The following ESYT3 variants were observed in gnomAD, a reference collection of about 807,000 sequenced individuals.
ESYT3 encodes the protein extended synaptotagmin 3.
ESYT3 carries 101 observed loss-of-function variants against 111.5 expected under a neutral mutation model. The ratio of observed to expected loss-of-function variants is 0.91; its 90% CI spans 0.77 to 1.07. The LOEUF (loss-of-function observed/expected upper bound fraction) is 1.07. Ranked by LOEUF, ESYT3 falls within the 50% of genes least tolerant of loss-of-function variation. The pLI is 0.00. For missense variants in ESYT3, 1,097 were observed against 1,109.4 expected (o/e 0.99, Z 0.16); for synonymous variants, 416 against 446.8 (o/e 0.93, Z 0.87).
Position 138,461,931 on chromosome 3 carries a change from C to T in ESYT3, c.795-155C>T, listed in dbSNP as rs148477299. ...CAGGGGCTGTCACGATGTATAGGCACACCCACCCCTACCCAGGCAAGTGGG... is the reference window on the plus strand; with the variant it reads ...CAGGGGCTGTCACGATGTATAGGCATACCCACCCCTACCCAGGCAAGTGGG... On this transcript the variant is annotated intron_variant, in intron 7 of 22. Coordinates refer to ENST00000389567, the MANE Select transcript of ESYT3 (RefSeq NM_031913.5). Among the ~76,000 whole-genome samples, 11 of 152,218 alleles carry T rather than the reference C, an allele frequency of 7.2e-5. No homozygotes were observed. The East Asian group carries it at 2.1e-3, about 29-fold the overall frequency.
chr3:138,442,475 G>C (rs183262093), intron 1 of ESYT3, among the ~76,000 whole-genome samples: 2 of 152,168 alleles, frequency 1.3e-5, no homozygotes, highest in African/African-American at 4.8e-5. Flanking sequence ...GTGGGTGGTG[G>C]TTCCTCTGTC....
intron 2 of ESYT3, among the ~76,000 whole-genome samples, chr3:138,452,315 A>G (rs2108605179): frequency 6.6e-6 from 1 of 152,328 alleles, no homozygotes. Flanking sequence ...AATACAGAGA[A>G]GTATAGAGAA....
chr3:138,451,575 T>C (rs1232398249), intron 1 of ESYT3, among the ~76,000 whole-genome samples: 1 of 152,206 alleles, frequency 6.6e-6, no homozygotes, highest in Non-Finnish European at 1.5e-5. Context: ...GGGGGTCCTG[T>C]GCTTCCCCAG....
chr3:138,465,462 C>T, intron 10 of ESYT3, 41 bp downstream of exon 10: 2 of 1,512,904 alleles, frequency 1.3e-6, no homozygotes, highest in Non-Finnish European at 1.8e-6. Context: ...AGGCAGCCTT[C>T]CCTCCCTGCG....
At chr3:138,463,402 G>A (rs1258895059) in intron 8 of ESYT3, among the ~76,000 whole-genome samples, 2 of 152,172 alleles carry the variant, frequency 1.3e-5, no homozygotes, top group Non-Finnish European at 2.9e-5. Flanking sequence ...CCCCCAGTGT[G>A]CTTTTAACAC....
In ESYT3 at chr3:138,469,431, C is replaced by T. The variant is rs760695149; in HGVS notation, c.1435-5C>T. On this transcript the variant is annotated splice_polypyrimidine_tract_variant and splice_region_variant and intron_variant, in intron 14 of 22. Coordinates refer to ENST00000389567, the MANE Select transcript of ESYT3 (RefSeq NM_031913.5). Reference sequence around the variant, plus strand: ...CTTCACTGTTATGGATTTGATTCCTCACAGAACAAGGTCAGCAAAGACCCT... The same window carrying T: ...CTTCACTGTTATGGATTTGATTCCTTACAGAACAAGGTCAGCAAAGACCCT... 6.2e-7 allele frequency: 1 copy of T among 1,612,964 alleles called. No homozygotes were observed. Among genetic ancestry groups the T allele is most frequent in the Non-Finnish European group, 8.5e-7 (1 of 1,179,034 alleles).
chr3:138,473,369 A>G, intron 18 of ESYT3, 167 bp from the exon 19 acceptor site: 1 of 668,918 alleles, frequency 1.5e-6, no homozygotes, highest in Non-Finnish European at 2.4e-6. Flanking sequence ...ATAATTATAC[A>G]TGAATGCTGG....
intron 4 of ESYT3, among the ~76,000 whole-genome samples, chr3:138,457,892 G>A (rs1246199096): frequency 6.6e-6 from 1 of 152,154 alleles, no homozygotes; most frequent in Non-Finnish European, 1.5e-5. Flanking sequence ...CAGAGAGGAT[G>A]TGTCTAGTGG....
Position 138,477,953 on chromosome 3 carries a change from GTTTCC to G in ESYT3, c.*1101_*1105del, listed in dbSNP as rs2033562812. 1 of 152,260 alleles carries G rather than the reference GTTTCC, an allele frequency of 6.6e-6. No individual in the cohort carries two copies. The highest frequency in any genetic ancestry group is 6.5e-5 in the Admixed American group (1 of 15,296). 9.4% of individuals were successfully genotyped at this position (152,260 alleles called of 1,614,324 possible). A position where few individuals can be genotyped will look rare whatever the true frequency, so the allele number is the denominator to read the frequency against. On this transcript the variant is annotated 3_prime_UTR_variant, in exon 23 of 23. Coordinates refer to ENST00000389567, the MANE Select transcript of ESYT3 (RefSeq NM_031913.5). ...GTTTTGTCATGTTACTCTTATTCCA[GTTTCC>G]TGCCATCTGATTCACATGCAGATGT...
chr3:138,464,000 C>CT (rs1237142683), intron 8 of ESYT3, among the ~76,000 whole-genome samples: 1 of 152,184 alleles, frequency 6.6e-6, no homozygotes, highest in African/African-American at 2.4e-5. Context: ...GGACACACAA[C>CT]AGAGGGGTCT....
rs753018261 is a variant in ESYT3 at position 138,476,768 on chromosome 3, A to G, written c.2625-50A>G. ...GGACTAGGCAGTTTGTCCTGTTACC[A>G]CAACACACTGTCATTACTAACGTTA... On this transcript the variant is annotated intron_variant, in intron 22 of 22. Coordinates refer to ENST00000389567, the MANE Select transcript of ESYT3 (RefSeq NM_031913.5). The G allele has an allele frequency of 1.9e-5, 31 of 1,590,160 alleles. No homozygotes were observed. In the Admixed American group the frequency reaches 4.5e-4, roughly 23 times the overall value.
rs139403723 is a variant in ESYT3, at chr3:138,472,893, C to G, written c.2237+34C>G. The G allele has an allele frequency of 2.9e-5, 45 of 1,576,694 alleles. No homozygotes were observed. The East Asian group carries it at 9.4e-4, about 33-fold the overall frequency. On this transcript the variant is annotated intron_variant, in intron 18 of 22. Coordinates refer to ENST00000389567, the MANE Select transcript of ESYT3 (RefSeq NM_031913.5). Reference sequence around the variant, plus strand: ...CTCTCTGCTTAATCTTTTCTAAAATCGCCTGTATGAAAAATACCTCGCTGG... The same window carrying G: ...CTCTCTGCTTAATCTTTTCTAAAATGGCCTGTATGAAAAATACCTCGCTGG...
Position 138,468,857 on chromosome 3 carries a change from C to CA in ESYT3, c.1416dup (p.Leu473ThrfsTer29), listed in dbSNP as rs746297206. 1 of 1,614,106 alleles carries CA rather than the reference C, an allele frequency of 6.2e-7. No homozygotes were observed. The highest frequency in any genetic ancestry group is 1.1e-5 in the South Asian group (1 of 91,076). ...ACTACCTGAATGGTGAATATCGAGC[C>CA]AAAAAACTCTCCAGGTTTGCCAGAG... On this transcript the variant is annotated frameshift_variant, in exon 14 of 23. Coordinates refer to ENST00000389567, the MANE Select transcript of ESYT3 (RefSeq NM_031913.5). LOFTEE classifies it high-confidence loss of function.
At position 138,465,361 on chromosome 3, in the gene ESYT3, G is replaced by A; in HGVS notation, c.1109G>A (p.Gly370Glu). The A allele has an allele frequency of 6.3e-7, 1 of 1,596,152 alleles. No homozygotes were observed. The highest frequency in any genetic ancestry group is 2.2e-5 in the East Asian group (1 of 44,502). Reference protein sequence around the residue: ...VFEFMVYEVPGQDLEVDLYDE... With the variant: ...VFEFMVYEVPEQDLEVDLYDE... Reference sequence around the variant, plus strand: ...CAGTTCATGGTGTACGAAGTCCCTGGACAGGACCTGGAGGTAGACCTGTAT... The same window carrying A: ...CAGTTCATGGTGTACGAAGTCCCTGAACAGGACCTGGAGGTAGACCTGTAT... The change falls in exon 10 of 23, where the codon GGA becomes GAA. Residue 370 changes from glycine (G) to glutamate (E), a missense_variant. Physicochemically the swap from Gly to Glu is moderately conservative, Grantham distance 98 (BLOSUM62 -2). Transcript: ENST00000389567.
chr3:138,456,247 C>T (rs951442179), intron 3 of ESYT3, among the ~76,000 whole-genome samples: 5 of 152,214 alleles, frequency 3.3e-5, no homozygotes, highest in African/African-American at 1.2e-4. Context: ...GTGTGCTGGG[C>T]ATCATAGAGT....
At chr3:138,457,528 C>T in intron 3 of ESYT3, 40 bp from the exon 4 acceptor site, 2 of 1,600,904 alleles carry the variant, frequency 1.2e-6, no homozygotes, top group South Asian at 1.1e-5. Flanking sequence ...TCCCCTGCTA[C>T]AAGAAGCCTC....
chr3:138,476,494 T>C lies in ESYT3; in HGVS notation c.2624+2T>C. 1 of 1,613,172 alleles carries C rather than the reference T, an allele frequency of 6.2e-7. No individual in the cohort carries two copies. Among genetic ancestry groups the C allele is most frequent in the Non-Finnish European group, 8.5e-7 (1 of 1,179,798 alleles). The stretch of plus-strand genomic sequence containing the variant: ...TCTGATTAAGGGCTTTTCACAATGG[T>C]AAGTGTGCCCTTTCATTTTATCACT... On this transcript the variant is annotated splice_donor_variant, in intron 22 of 22. Coordinates refer to ENST00000389567, the MANE Select transcript of ESYT3 (RefSeq NM_031913.5). LOFTEE classifies it high-confidence loss of function.
intron 2 of ESYT3, 140 bp from the exon 3 acceptor site, chr3:138,455,054 G>C: frequency 1.1e-6 from 1 of 886,722 alleles, no homozygotes; most frequent in East Asian, 2.4e-5. Context: ...TGGGTGGGCA[G>C]GCAAGCAGGT....
At chr3:138,444,070 G>A (rs2031361677) in intron 1 of ESYT3, among the ~76,000 whole-genome samples, 2 of 152,190 alleles carry the variant, frequency 1.3e-5, no homozygotes, top group Admixed American at 6.5e-5. Flanking sequence ...ATTGATGTGG[G>A]CCTCTTTGGT....
Sources: gnomAD v4.1 joint callset for allele counts (sites outside exome capture counted in the v4.1 genomes callset) on GRCh38, gnomAD v4.1.1 for gene constraint, MANE v1.5 for transcripts, NCBI Gene and HGNC (gene_info 2026-07-23, HGNC 2026-07-21) for gene names.